The following FRAS1 variants were observed in gnomAD, a reference collection of about 807,000 sequenced individuals.
The protein encoded by FRAS1 is extracellular matrix organizing protein FRAS1.
Under a neutral mutation model 435.2 loss-of-function variants are expected in FRAS1, and 290 were observed. That is an observed-to-expected ratio of 0.67 (90% CI 0.61 to 0.73). The LOEUF (loss-of-function observed/expected upper bound fraction) is 0.73. FRAS1 is among the 30% of genes least tolerant of loss of function. FRAS1 has a pLI of 0.00. For missense variants in FRAS1, 4,860 were observed against 5,001.5 expected (o/e 0.97, Z 0.85); for synonymous variants, 1,800 against 1,851.0 (o/e 0.97, Z 0.71).
intron 51 of FRAS1, 91 bp from the exon 52 acceptor site, chr4:78,472,089 C>G: frequency 7.6e-7 from 1 of 1,308,350 alleles, no homozygotes; most frequent in Non-Finnish European, 1.1e-6. Flanking sequence ...CTCAGTAAAT[C>G]ATTGTTGAAC....
intron 71 of FRAS1, among the ~76,000 whole-genome samples, chr4:78,536,708 T>C (rs1314612451): frequency 6.6e-6 from 1 of 152,200 alleles, no homozygotes; most frequent in African/African-American, 2.4e-5. Context: ...TGGTATCCCC[T>C]GTGCATAACA....
In FRAS1 at chr4:78,441,263, G is replaced by T. The variant is rs755499287; in HGVS notation, c.5631G>T (p.Leu1877=). The change falls in exon 41 of 74, where the codon CTG becomes CTT. Residue 1877 remains leucine (L), a synonymous_variant. Coordinates refer to ENST00000512123, the MANE Select transcript of FRAS1 (RefSeq NM_025074.7). The part of the protein sequence containing the change: ...QRDAIIKLSA[L]PKYGCIENTG... ...ATGCCATCATTAAACTAAGTGCTCT[G>T]CCCAAATATGGCTGCATTGAGAACA... 6.8e-6 allele frequency: 11 copies of T among 1,613,178 alleles called. No homozygotes were observed. In the South Asian group the frequency reaches 1.2e-4, roughly 18 times the overall value.
rs994905566 is a variant in FRAS1 at position 78,165,847 on chromosome 4, T to C, written c.109-71663T>C. Among the ~76,000 whole-genome samples the C allele has an allele frequency of 3.9e-5, 6 of 152,256 alleles. 1 individual carries two copies. The South Asian group carries it at 6.2e-4, about 16-fold the overall frequency. On this transcript the variant is annotated intron_variant, in intron 2 of 73. Transcript: ENST00000512123. ...TGGGCTTATTCTCATGGCCAACACA[T>C]GTATCCCCAAAGAGTGAGCAGACAC... is the stretch of plus-strand genomic sequence containing the variant.
At position 78,282,908 on chromosome 4, in the gene FRAS1, GTCC is replaced by G; in HGVS notation, c.1197_1199del (p.Cys399_Pro400delinsTer). ...TGCTACGAGCCCTCTTGCCCACCAT[GTCC>G]AGTGGGCACACTGGCCTTAGAGGTG... On this transcript the variant is annotated stop_gained and inframe_deletion, in exon 12 of 74. Transcript: ENST00000512123. LOFTEE classifies it high-confidence loss of function. The G allele has an allele frequency of 6.2e-7, 1 of 1,611,858 alleles. No individual in the cohort carries two copies. Among genetic ancestry groups the G allele is most frequent in the South Asian group, 1.1e-5 (1 of 90,640 alleles).
chr4:78,231,058 G>A (rs1578197577), intron 2 of FRAS1, among the ~76,000 whole-genome samples: 2 of 152,116 alleles, frequency 1.3e-5, no homozygotes, highest in South Asian at 2.1e-4. Context: ...GGGTTCAAAC[G>A]ATTCTCCTGC....
intron 14 of FRAS1, among the ~76,000 whole-genome samples, chr4:78,289,833 C>A (rs2110192006): frequency 6.6e-6 from 1 of 152,144 alleles, no homozygotes; most frequent in East Asian, 1.9e-4. Flanking sequence ...CCCTCCCCAC[C>A]TTCCCCACCA....
chr4:78,074,778 C>T (rs1297170080), intron 2 of FRAS1, among the ~76,000 whole-genome samples: 1 of 152,166 alleles, frequency 6.6e-6, no homozygotes, highest in African/African-American at 2.4e-5. Flanking sequence ...CCTTCCTTCC[C>T]TCAGTTCTGA....
chr4:78,380,093 C>T lies in FRAS1; in HGVS notation c.3563+97C>T, dbSNP rs963343589. 1.3e-5 allele frequency: 17 copies of T among 1,345,354 alleles called. No individual in the cohort carries two copies. The African/African-American group carries it at 2.2e-4, about 17-fold the overall frequency. 83.3% of individuals were successfully genotyped at this position (1,345,354 alleles called of 1,614,324 possible). A position where few individuals can be genotyped will look rare whatever the true frequency, so the allele number is the denominator to read the frequency against. On this transcript the variant is annotated intron_variant, in intron 27 of 73. Coordinates refer to ENST00000512123, the MANE Select transcript of FRAS1 (RefSeq NM_025074.7). ...CAGCCTCTCTGTCTCAATAGCTAAC[C>T]CTTCTCATCTGGGGAAGATCAATAC...
intron 19 of FRAS1, among the ~76,000 whole-genome samples, chr4:78,334,660 T>A (rs1210522253): frequency 6.6e-6 from 1 of 152,168 alleles, no homozygotes; most frequent in Non-Finnish European, 1.5e-5. Flanking sequence ...TGAGCCACCA[T>A]GCCCAGCTGT....
chr4:78,429,046 CTGTG>C (rs3086823), intron 35 of FRAS1, 45 bp from the exon 36 acceptor site: 49 of 1,393,070 alleles, frequency 3.5e-5, no homozygotes, highest in Admixed American at 8.2e-5. Flanking sequence ...GTGCGTGTCT[CTGTG>C]TGTGTGTGTG....
At chr4:78,300,508 A>G (rs983954799) in intron 14 of FRAS1, among the ~76,000 whole-genome samples, 3 of 151,794 alleles carry the variant, frequency 2.0e-5, no homozygotes, top group African/African-American at 7.3e-5. Flanking sequence ...TTCCCACCCA[A>G]CTAGTCCAAG....
chr4:78,113,973 A>C (rs1742942884), intron 2 of FRAS1, among the ~76,000 whole-genome samples: 1 of 152,196 alleles, frequency 6.6e-6, no homozygotes, highest in African/African-American at 2.4e-5. Context: ...TCTAACATGT[A>C]AGTCTTTAAT....
At chr4:78,455,635 T>A (rs74395702) in intron 47 of FRAS1, among the ~76,000 whole-genome samples, 3,264 of 152,256 alleles carry the variant, frequency 0.021, 118 homozygotes, top group African/African-American at 0.075. Flanking sequence ...TTGTCCTCTG[T>A]AGACAGGAAA....
chr4:78,441,230 C>T lies in FRAS1; in HGVS notation c.5598C>T (p.Leu1866=). Residue 1866 remains leucine (L), a synonymous_variant, in exon 41 of 74, where the codon CTC becomes CTT. Transcript: ENST00000512123. Reference sequence around the variant, plus strand: ...TTGCTACTGATGATGATGACAACCTCCAGAGAGATGCCATCATTAAACTAA... The same window carrying T: ...TTGCTACTGATGATGATGACAACCTTCAGAGAGATGCCATCATTAAACTAA... ...HFFATDDDDN[L]QRDAIIKLSA... 1.2e-6 allele frequency: 2 copies of T among 1,613,306 alleles called. No individual in the cohort carries two copies. Among genetic ancestry groups the T allele is most frequent in the Non-Finnish European group, 1.7e-6 (2 of 1,179,358 alleles).
intron 59 of FRAS1, among the ~76,000 whole-genome samples, chr4:78,493,163 G>A: frequency 6.6e-6 from 1 of 152,210 alleles, no homozygotes. Flanking sequence ...AACAGATTCT[G>A]GAGAGGATGT....
chr4:78,083,937 A>T (rs1741023385), intron 2 of FRAS1, among the ~76,000 whole-genome samples: 1 of 151,762 alleles, frequency 6.6e-6, no homozygotes, highest in South Asian at 2.1e-4. Flanking sequence ...TCCCTCATTA[A>T]CCCTCTGGTT....
intron 2 of FRAS1, among the ~76,000 whole-genome samples, chr4:78,162,438 C>T (rs534864397): frequency 1.3e-5 from 2 of 152,196 alleles, no homozygotes; most frequent in East Asian, 1.9e-4. Context: ...TGTTTTCTTG[C>T]ACTGCAGGAC....
At chr4:78,530,086 T>A (rs1278948086) in intron 70 of FRAS1, among the ~76,000 whole-genome samples, 2 of 152,176 alleles carry the variant, frequency 1.3e-5, no homozygotes, top group Non-Finnish European at 2.9e-5. Context: ...AGGAATTCAT[T>A]GTAGGAAAAT....
chr4:78,347,377 C>T (rs906700481), intron 20 of FRAS1, among the ~76,000 whole-genome samples: 10 of 152,170 alleles, frequency 6.6e-5, no homozygotes, highest in South Asian at 2.1e-4. Context: ...CTTCCCAAGA[C>T]GAGGGAGGAG....
Sources: gnomAD v4.1 joint callset for allele counts (sites outside exome capture counted in the v4.1 genomes callset) on GRCh38, gnomAD v4.1.1 for gene constraint, MANE v1.5 for transcripts, NCBI Gene and HGNC (gene_info 2026-07-23, HGNC 2026-07-21) for gene names.